The following TEX11 variants were observed in gnomAD, a reference collection of about 807,000 sequenced individuals.
TEX11 encodes the protein testis expressed 11, also known as testis-expressed protein 11.
A neutral mutation model predicts 84.4 loss-of-function variants in TEX11; 7 were observed. The ratio of observed to expected loss-of-function variants is 0.08; its 90% CI spans 0.05 to 0.16. The LOEUF (loss-of-function observed/expected upper bound fraction) is 0.16. Among genes scored for constraint, TEX11 ranks in the 10% least tolerant of loss-of-function variants. The probability of loss-of-function intolerance (pLI) is 1.00; values close to 1 mark genes in which losing one functional copy is unlikely to be tolerated. For synonymous variants in TEX11, 264 were observed against 222.8 expected (o/e 1.18, Z -1.64); for missense variants, 551 against 660.5 (o/e 0.83, Z 1.82).
chrX:70,568,782 G>A (rs2088537539), intron 25 of TEX11, among the ~76,000 whole-genome samples: 1 of 111,655 alleles, frequency 9.0e-6, no homozygotes, highest in Admixed American at 9.5e-5. Context: ...TCAGCTGTTA[G>A]TCTGATGGGC....
intron 15 of TEX11, among the ~76,000 whole-genome samples, chrX:70,671,910 T>TATATATATATATATATATACAC (rs57166359): frequency 1.5e-3 from 102 of 67,905 alleles, no homozygotes; most frequent in South Asian, 2.0e-3. Context: ...TATATATATA[T>TATATATATATATATATATACAC]ACACACACAC....
At chrX:70,688,807 TTA>T (rs751415758) in intron 13 of TEX11, among the ~76,000 whole-genome samples, 14 of 104,470 alleles carry the variant, frequency 1.3e-4, no homozygotes, top group Non-Finnish European at 2.1e-4. Flanking sequence ...ATTTGATATT[TTA>T]TATATATATA....
chrX:70,745,348 A>G (rs1299921203), intron 9 of TEX11, among the ~76,000 whole-genome samples: 1 of 110,671 alleles, frequency 9.0e-6, no homozygotes, highest in Non-Finnish European at 1.9e-5. Context: ...AAGATTATTC[A>G]CCATAAAATT....
At chrX:70,750,966 A>ATATATATATATATATATATATAT (rs1411833714) in intron 9 of TEX11, among the ~76,000 whole-genome samples, 2 of 84,492 alleles carry the variant, frequency 2.4e-5, no homozygotes, top group Non-Finnish European at 4.8e-5. Flanking sequence ...ATATATATAT[A>ATATATATATATATATATATATAT]AAAGTCAGGA....
At chrX:70,648,000 C>T (rs766998674) in intron 17 of TEX11, among the ~76,000 whole-genome samples, 1 of 112,036 alleles carries the variant, frequency 8.9e-6, no homozygotes, top group South Asian at 3.7e-4. Context: ...ATAGCAAAGA[C>T]TTGGAACCAA....
the TEX11 span, among the ~76,000 whole-genome samples, chrX:70,516,900 A>T: frequency 1.8e-5 from 2 of 111,225 alleles, no homozygotes; most frequent in South Asian, 3.8e-4. Flanking sequence ...ATGGGAGTTC[A>T]CTCACGATTT....
chrX:70,528,728 T>TATC (rs1388490729), downstream of TEX11, among the ~76,000 whole-genome samples: 1 of 111,527 alleles, frequency 9.0e-6, no homozygotes, highest in Non-Finnish European at 1.9e-5. Flanking sequence ...CTAAGGTCCT[T>TATC]CCAAATAAGA....
At chrX:70,709,807 C>T (rs189590138) in intron 13 of TEX11, among the ~76,000 whole-genome samples, 1 of 111,088 alleles carries the variant, frequency 9.0e-6, no homozygotes, top group Admixed American at 9.7e-5. Context: ...GCTTTCTGGT[C>T]TTTCTTTTTA....
At position 70,696,805 on chromosome X, in the gene TEX11, C is replaced by A. The variant is rs145109401; in HGVS notation, c.1005-13980G>T. Among the ~76,000 whole-genome samples the A allele has an allele frequency of 6.0e-4, 67 of 111,428 alleles. No individual in the cohort carries two copies. The East Asian group carries it at 6.8e-3, about 11-fold the overall frequency. ...AACAAACAAACAAACAACAAAAAAA[C>A]CCCAAAATACTCACTTATTATTTCC... On this transcript the variant is annotated intron_variant, in intron 13 of 29. Transcript: ENST00000374333.
chrX:70,753,954 C>T (rs1231109648), intron 9 of TEX11, among the ~76,000 whole-genome samples: 1 of 108,299 alleles, frequency 9.2e-6, no homozygotes, highest in Non-Finnish European at 1.9e-5. Context: ...TCAGGTCCTA[C>T]GTCGAGGACT....
chrX:70,696,849 A>T (rs1401314044), intron 13 of TEX11, among the ~76,000 whole-genome samples: 1 of 112,093 alleles, frequency 8.9e-6, no homozygotes, highest in African/African-American at 3.2e-5. Flanking sequence ...TAGCTCAGAA[A>T]TCCATTCAGG....
At chrX:70,817,679 CAGAG>C (rs1400065767) in intron 8 of TEX11, among the ~76,000 whole-genome samples, 3 of 107,957 alleles carry the variant, frequency 2.8e-5, no homozygotes, top group African/African-American at 1.0e-4. Context: ...GCCTAGGTGA[CAGAG>C]AGAGTGAGAT....
At chrX:70,847,037 CACAGTA>C (rs2091483325) in intron 7 of TEX11, among the ~76,000 whole-genome samples, 1 of 111,726 alleles carries the variant, frequency 9.0e-6, no homozygotes, top group South Asian at 3.8e-4. Flanking sequence ...GCTCTCTCCC[CACAGTA>C]ACAGTGAGTT....
intron 7 of TEX11, among the ~76,000 whole-genome samples, chrX:70,844,450 G>A (rs377711727): frequency 1.2e-4 from 9 of 77,725 alleles, no homozygotes; most frequent in African/African-American, 4.0e-4. Flanking sequence ...ATCACACACC[G>A]GAGACTGTTG....
At chrX:70,892,917 A>G (rs1208445630) in intron 2 of TEX11, among the ~76,000 whole-genome samples, 1 of 111,157 alleles carries the variant, frequency 9.0e-6, no homozygotes, top group Non-Finnish European at 1.9e-5. Context: ...AGTCTCTGAT[A>G]AAACACACTT....
intron 17 of TEX11, 113 bp from the exon 18 acceptor site, chrX:70,629,848 A>G: frequency 3.2e-6 from 2 of 615,763 alleles, no homozygotes; most frequent in Non-Finnish European, 4.7e-6. Context: ...CATTTTTAAA[A>G]TGTTAGTATT....
intron 20 of TEX11, among the ~76,000 whole-genome samples, chrX:70,612,730 G>A (rs1180918979): frequency 9.0e-6 from 1 of 111,443 alleles, no homozygotes; most frequent in Non-Finnish European, 1.9e-5. Context: ...ATACCAGAAG[G>A]AGAAGAATAG....
intron 11 of TEX11, among the ~76,000 whole-genome samples, chrX:70,733,904 C>T (rs759802209): frequency 9.0e-6 from 1 of 111,592 alleles, no homozygotes; most frequent in East Asian, 2.8e-4. Flanking sequence ...GGAACCAACC[C>T]AAATGTCCAA....
rs1365277558 is a variant in TEX11, at chrX:70,809,926, T to C, written c.607-3136A>G. 3.6e-5 allele frequency among the ~76,000 whole-genome samples: 4 copies of C among 111,932 alleles called. No homozygotes were observed. In the Admixed American group the frequency reaches 3.8e-4, roughly 11 times the overall value. On this transcript the variant is annotated intron_variant, in intron 8 of 29. Transcript: ENST00000374333. ...TAAACTTATTTTACTCTTTAAACTA[T>C]GTATAGATACACACTGATAAAAAAG...
Sources: gnomAD v4.1 joint callset for allele counts (sites outside exome capture counted in the v4.1 genomes callset) on GRCh38, gnomAD v4.1.1 for gene constraint, MANE v1.5 for transcripts, NCBI Gene and HGNC (gene_info 2026-07-23, HGNC 2026-07-21) for gene names.